Variants in DPP10 observed in about 807,000 individuals in gnomAD.
DPP10 encodes the protein dipeptidyl peptidase like 10.
A neutral mutation model predicts 120.9 loss-of-function variants in DPP10; 33 were observed. The ratio of observed to expected loss-of-function variants is 0.27; its 90% CI spans 0.21 to 0.37. The LOEUF is 0.37. Ranked by LOEUF, DPP10 falls within the 10% of genes least tolerant of loss-of-function variation. The pLI is 1.00. For synonymous variants in DPP10, 337 were observed against 326.1 expected (o/e 1.03, Z -0.36); for missense variants, 816 against 942.8 (o/e 0.87, Z 1.76).
intron 3 of DPP10, among the ~76,000 whole-genome samples, chr2:115,464,750 A>G (rs1192954030): frequency 2.6e-5 from 4 of 152,156 alleles, no homozygotes; most frequent in Non-Finnish European, 4.4e-5. Flanking sequence ...TAATATCAAT[A>G]GGTAATTATG....
chr2:115,026,171 T>G (rs1483972619), intron 1 of DPP10, among the ~76,000 whole-genome samples: 1 of 152,198 alleles, frequency 6.6e-6, no homozygotes, highest in Non-Finnish European at 1.5e-5. Context: ...ATTTAAAACT[T>G]AGATATGATT....
chr2:114,870,910 C>T (rs1171642321), intron 1 of DPP10, among the ~76,000 whole-genome samples: 1 of 135,348 alleles, frequency 7.4e-6, no homozygotes, highest in Non-Finnish European at 1.6e-5. Context: ...GATTAAATGA[C>T]TGGGAATCCT....
At chr2:114,731,750 A>C (rs562088818) in intron 1 of DPP10, among the ~76,000 whole-genome samples, 2 of 152,274 alleles carry the variant, frequency 1.3e-5, no homozygotes, top group African/African-American at 4.8e-5. Context: ...GGTCCCAGAG[A>C]AGAGGAGCAC....
At chr2:114,996,395 G>A (rs562708549) in intron 1 of DPP10, among the ~76,000 whole-genome samples, 1 of 152,088 alleles carries the variant, frequency 6.6e-6, no homozygotes, top group Admixed American at 6.5e-5. Context: ...AAAGATGATT[G>A]AAAAACACAC....
rs79054671 is a variant in DPP10 at position 115,796,793 on chromosome 2, T to C, written c.1700+5437T>C. Among the ~76,000 whole-genome samples the C allele has an allele frequency of 2.5e-3, 374 of 152,224 alleles. 14 individuals carry two copies. The East Asian group carries it at 0.064, about 26-fold the overall frequency. Reference sequence around the variant, plus strand: ...ATTTAGACATCATCTTTAGTCCTTATAGAAATCATCCAAGGTGAATACTAC... The same window carrying C: ...ATTTAGACATCATCTTTAGTCCTTACAGAAATCATCCAAGGTGAATACTAC... On this transcript the variant is annotated intron_variant, in intron 19 of 25. Transcript: ENST00000410059.
At chr2:115,047,074 T>G (rs1209023314) in intron 1 of DPP10, among the ~76,000 whole-genome samples, 2 of 150,018 alleles carry the variant, frequency 1.3e-5, no homozygotes, top group Non-Finnish European at 3.0e-5. Context: ...CATTTATTAT[T>G]GAAAGCAGTT....
intron 4 of DPP10, among the ~76,000 whole-genome samples, chr2:115,525,095 A>G (rs980330601): frequency 1.3e-5 from 2 of 152,186 alleles, no homozygotes; most frequent in Non-Finnish European, 2.9e-5. Context: ...ATTTCTCTGC[A>G]AATACCATGC....
intron 3 of DPP10, among the ~76,000 whole-genome samples, chr2:115,362,660 C>G (rs1020410494): frequency 6.6e-6 from 1 of 151,996 alleles, no homozygotes; most frequent in South Asian, 2.1e-4. Context: ...AAAATAACCT[C>G]TAAGTTCAAC....
intron 1 of DPP10, among the ~76,000 whole-genome samples, chr2:115,029,507 T>A (rs1703697918): frequency 6.6e-6 from 1 of 151,784 alleles, no homozygotes; most frequent in African/African-American, 2.4e-5. Context: ...TTAAGACAGG[T>A]CTAATAGTGG....
intron 5 of DPP10, among the ~76,000 whole-genome samples, chr2:115,569,470 T>A (rs1052087547): frequency 1.3e-5 from 2 of 152,224 alleles, no homozygotes; most frequent in African/African-American, 4.8e-5. Context: ...ATTTGTTATA[T>A]CAGATATTAA....
intron 5 of DPP10, among the ~76,000 whole-genome samples, chr2:115,654,798 G>A (rs1187950127): frequency 6.6e-6 from 1 of 151,672 alleles, no homozygotes; most frequent in African/African-American, 2.4e-5. Context: ...TCACCATTAA[G>A]ACAGCAGACG....
intron 1 of DPP10, among the ~76,000 whole-genome samples, chr2:114,753,427 G>A (rs1325187887): frequency 6.6e-6 from 1 of 152,138 alleles, no homozygotes; most frequent in Non-Finnish European, 1.5e-5. Flanking sequence ...GATAATGTAA[G>A]TCTTATCTCC....
intron 1 of DPP10, among the ~76,000 whole-genome samples, chr2:114,914,858 G>A (rs1266745417): frequency 5.9e-5 from 9 of 152,222 alleles, no homozygotes; most frequent in South Asian, 4.1e-4. Flanking sequence ...GGGGCCGGGC[G>A]CGGTGGCTCA....
intron 1 of DPP10, among the ~76,000 whole-genome samples, chr2:114,795,498 A>G (rs1574207355): frequency 7.4e-6 from 1 of 135,492 alleles, no homozygotes; most frequent in African/African-American, 2.5e-5. Flanking sequence ...TCTCTGGGGA[A>G]AAAAAAAAAA....
At chr2:114,621,230 G>C (rs1694069523) in intron 1 of DPP10, among the ~76,000 whole-genome samples, 13 of 152,082 alleles carry the variant, frequency 8.5e-5, no homozygotes. Flanking sequence ...AGAGGAGAGG[G>C]AGACAGTTGT....
At chr2:114,725,856 C>T (rs1315266593) in intron 1 of DPP10, among the ~76,000 whole-genome samples, 2 of 152,200 alleles carry the variant, frequency 1.3e-5, no homozygotes, top group Non-Finnish European at 2.9e-5. Flanking sequence ...CACTTCCCTG[C>T]ATCTCCTAAA....
intron 1 of DPP10, among the ~76,000 whole-genome samples, chr2:114,620,218 A>G (rs530339325): frequency 6.6e-6 from 1 of 152,150 alleles, no homozygotes; most frequent in African/African-American, 2.4e-5. Context: ...ATCAACAGGC[A>G]TATATGTTAC....
chr2:115,251,442 T>TA (rs2058746389), intron 1 of DPP10, among the ~76,000 whole-genome samples: 1 of 152,184 alleles, frequency 6.6e-6, no homozygotes, highest in Non-Finnish European at 1.5e-5. Context: ...GGAGGAAGAA[T>TA]AAGCTTAATA....
At chr2:115,554,757 T>G (rs950153420) in intron 5 of DPP10, among the ~76,000 whole-genome samples, 1 of 152,110 alleles carries the variant, frequency 6.6e-6, no homozygotes, top group African/African-American at 2.4e-5. Flanking sequence ...CTTAATAATT[T>G]TCATGTAATA....
Sources: gnomAD v4.1 joint callset for allele counts (sites outside exome capture counted in the v4.1 genomes callset) on GRCh38, gnomAD v4.1.1 for gene constraint, MANE v1.5 for transcripts, NCBI Gene and HGNC (gene_info 2026-07-23, HGNC 2026-07-21) for gene names.